NFASC: variants seen among roughly 807,000 people sequenced by gnomAD.
NFASC encodes neurofascin.
NFASC carries 43 observed loss-of-function variants against 147.5 expected under a neutral mutation model. The ratio of observed to expected loss-of-function variants is 0.29; its 90% confidence interval spans 0.23 to 0.38. NFASC has a LOEUF of 0.38. Ranked by LOEUF, NFASC falls within the 10% of genes least tolerant of loss-of-function variation. The probability of loss-of-function intolerance (pLI) is 1.00; values close to 1 mark genes in which losing one functional copy is unlikely to be tolerated. For synonymous variants in NFASC, 622 were observed against 665.5 expected, an observed-to-expected ratio of 0.93 and a Z score of 1.01; for missense variants, 1,320 against 1,689.0, an observed-to-expected ratio of 0.78 and a Z score of 3.83.
chr1:205,015,408 T>C lies in NFASC; in HGVS notation c.3492-900T>C, dbSNP rs1350072789. Among the ~76,000 whole-genome samples, 3 of 152,166 alleles carry C rather than the reference T, an allele frequency of 2.0e-5. No individual in the cohort carries two copies. Among genetic ancestry groups the C allele is most frequent in the Non-Finnish European group, 4.4e-5 (3 of 68,028 alleles). On this transcript the variant is annotated intron_variant, in intron 29 of 29. Transcript: ENST00000339876. This position sits in a 1 kb window ranked among gnomAD's most constrained non-coding sequence, Gnocchi z 4.0. Reference sequence around the variant, plus strand: ...CCACCTGGTCCCCACTCTGAGCCTTTCCAGCCAAGGGAAGGGACATGGTGC... The same window carrying C: ...CCACCTGGTCCCCACTCTGAGCCTTCCCAGCCAAGGGAAGGGACATGGTGC...
In NFASC at chr1:204,876,860, G is replaced by A. The variant is rs559839385; in HGVS notation, c.-199-43772G>A. Among the ~76,000 whole-genome samples, 8 of 151,422 alleles carry A rather than the reference G, an allele frequency of 5.3e-5. 1 individual carries two copies. The South Asian group carries it at 1.7e-3, about 32-fold the overall frequency. On this transcript the variant is annotated intron_variant, in intron 1 of 29. Transcript: ENST00000339876. ...TCGTGGGACTCATAAATGTGGAGAG[G>A]AGAGCTTTGTTTTTTATAAAGATTT...
chr1:205,005,305 C>T (rs186930954), intron 27 of NFASC, among the ~76,000 whole-genome samples: 75 of 152,326 alleles, frequency 4.9e-4, no homozygotes, highest in Non-Finnish European at 9.3e-4. Flanking sequence ...GGCCTTTCTT[C>T]CCTGGCCAAA....
At chr1:204,962,403 C>T (rs1317902600) in intron 8 of NFASC, among the ~76,000 whole-genome samples, 1 of 152,158 alleles carries the variant, frequency 6.6e-6, no homozygotes, top group Non-Finnish European at 1.5e-5. Context: ...GTTGTTCAAA[C>T]CAGGGTAGGA....
At position 204,916,853 on chromosome 1, in the gene NFASC, G is replaced by A. The variant is rs144279564; in HGVS notation, c.-199-3779G>A. On this transcript the variant is annotated intron_variant, in intron 1 of 29. Coordinates refer to ENST00000339876, the MANE Select transcript of NFASC (RefSeq NM_001005388.3). ...CTTCCAGGGTGCTGGGATTACAGGC[G>A]TGAGTCACTGTGTCCAGCATCACAT... 4.2e-3 allele frequency among the ~76,000 whole-genome samples: 634 copies of A among 152,210 alleles called. 19 individuals carry two copies. The highest frequency in any genetic ancestry group is 0.031 in the Admixed American group (473 of 15,280).
intron 27 of NFASC, chr1:205,008,393 G>A (rs1558460641): frequency 6.5e-6 from 1 of 152,792 alleles, no homozygotes; most frequent in Admixed American, 6.5e-5. Context: ...CAGCTCCATG[G>A]TTCTTGGGGC....
intron 1 of NFASC, among the ~76,000 whole-genome samples, chr1:204,906,757 ACTGCAAGCTCCGCCTCCCGG>A (rs1314291423): frequency 8.1e-4 from 46 of 57,050 alleles, no homozygotes; most frequent in Non-Finnish European, 1.6e-3. Flanking sequence ...ATCTCGGCTC[ACTGCAAGCTCCGCCTCCCGG>A]GCTCATGCCA....
rs1355429864 is a variant in NFASC at position 204,914,759 on chromosome 1, A to G, written c.-199-5873A>G. ...GCTGGTGGTAGTATAAATTGTCACT[A>G]CATTCATGGAGAGCAACTTGGCTGC... On this transcript the variant is annotated intron_variant, in intron 1 of 29. Coordinates refer to ENST00000339876, the MANE Select transcript of NFASC (RefSeq NM_001005388.3). 2.6e-5 allele frequency among the ~76,000 whole-genome samples: 4 copies of G among 152,228 alleles called. No homozygotes were observed. In the South Asian group the frequency reaches 6.2e-4, roughly 24 times the overall value.
At chr1:204,985,918 C>G (rs1380602018) in intron 21 of NFASC, 1 of 1,612,424 alleles carries the variant, frequency 6.2e-7, no homozygotes, top group African/African-American at 1.3e-5. Flanking sequence ...AGGCCTACTA[C>G]TGGAGGGAGA....
intron 8 of NFASC, among the ~76,000 whole-genome samples, chr1:204,958,882 A>G (rs2094538817): frequency 6.6e-6 from 1 of 152,188 alleles, no homozygotes; most frequent in African/African-American, 2.4e-5. Context: ...AGGTGAGATC[A>G]CTTCTCATTC....
Position 204,891,774 on chromosome 1 carries a change from G to C in NFASC, c.-199-28858G>C, listed in dbSNP as rs558455564. Reference sequence around the variant, plus strand: ...GAAACATTATTGTTTTCCTATGGGGGACTCCTTGCAGGCTTGATGAAATGC... The same window carrying C: ...GAAACATTATTGTTTTCCTATGGGGCACTCCTTGCAGGCTTGATGAAATGC... On this transcript the variant is annotated intron_variant, in intron 1 of 29. Transcript: ENST00000339876. Among the ~76,000 whole-genome samples, 3 of 152,276 alleles carry C rather than the reference G, an allele frequency of 2.0e-5. No homozygotes were observed. In the East Asian group the frequency reaches 5.8e-4, roughly 29 times the overall value.
intron 2 of NFASC, among the ~76,000 whole-genome samples, chr1:204,925,064 AG>A (rs1336559457): frequency 6.6e-6 from 1 of 152,144 alleles, no homozygotes; most frequent in African/African-American, 2.4e-5. Flanking sequence ...TAATAGAGAC[AG>A]GGTTTCACTG....
Position 205,012,799 on chromosome 1 carries a change from C to G in NFASC, c.3424C>G (p.Arg1142Gly). 6.2e-7 allele frequency: 1 copy of G among 1,611,648 alleles called. No homozygotes were observed. Among genetic ancestry groups the G allele is most frequent in the African/African-American group, 1.3e-5 (1 of 74,976 alleles). ...KRSRGGKYPVREKKDVPLGPE... is the reference protein window; with the variant it reads ...KRSRGGKYPVGEKKDVPLGPE... Reference sequence around the variant, plus strand: ...CTTTGCTTCTCCTTTTGACCAAGTACGAGAAAAGAAGGATGTTCCCCTTGG... The same window carrying G: ...CTTTGCTTCTCCTTTTGACCAAGTAGGAGAAAAGAAGGATGTTCCCCTTGG... Residue 1142 changes from arginine (R) to glycine (G), a missense_variant and splice_region_variant, in exon 29 of 30, where the codon CGA becomes GGA. Around this residue, in one of 3 missense-constraint regions of NFASC, gnomAD observed 167 missense variants for 233.8 expected, o/e 0.71. Transcript: ENST00000339876.
intron 1 of NFASC, among the ~76,000 whole-genome samples, chr1:204,900,790 G>C (rs1476304306): frequency 1.3e-5 from 2 of 152,130 alleles, no homozygotes; most frequent in Non-Finnish European, 2.9e-5. Context: ...AGGCAAGAAT[G>C]GTAGCTTAGA....
At chr1:204,837,970 G>T (rs2102443955) in intron 1 of NFASC, among the ~76,000 whole-genome samples, 1 of 152,290 alleles carries the variant, frequency 6.6e-6, no homozygotes, top group South Asian at 2.1e-4. Flanking sequence ...CCAGCACACT[G>T]CTTCTTTCAT....
chr1:204,944,271 A>G lies in NFASC; in HGVS notation c.-45A>G. ...CCAGTTAAAGCGGCTCGAGGTGACA[A>G]GACCCCGAGTGCTGGGGAGCAGGGA... is the stretch of plus-strand genomic sequence containing the variant. On this transcript the variant is annotated 5_prime_UTR_variant, in exon 3 of 30. Coordinates refer to ENST00000339876, the MANE Select transcript of NFASC (RefSeq NM_001005388.3). 6.2e-7 allele frequency: 1 copy of G among 1,603,694 alleles called. No homozygotes were observed. The highest frequency in any genetic ancestry group is 8.5e-7 in the Non-Finnish European group (1 of 1,175,772).
intron 1 of NFASC, among the ~76,000 whole-genome samples, chr1:204,829,250 TCTCTCC>T (rs1391265245): frequency 6.7e-6 from 1 of 150,088 alleles, no homozygotes; most frequent in Non-Finnish European, 1.5e-5. Flanking sequence ...TGGTGTCCTG[TCTCTCC>T]ATTTGCTCCC....
intron 2 of NFASC, among the ~76,000 whole-genome samples, chr1:204,927,771 C>T (rs2091874594): frequency 6.6e-6 from 1 of 152,156 alleles, no homozygotes; most frequent in Admixed American, 6.5e-5. Flanking sequence ...TGCTGCCTGA[C>T]ACCTTGATAC....
intron 1 of NFASC, among the ~76,000 whole-genome samples, chr1:204,885,392 G>C (rs188030850): frequency 2.2e-4 from 33 of 151,992 alleles, no homozygotes; most frequent in South Asian, 1.3e-3. Context: ...TGCCCTGTGG[G>C]GGGGGAAGCA....
chr1:204,930,131 GTGT>G (rs1190202647), intron 2 of NFASC, among the ~76,000 whole-genome samples: 2 of 152,192 alleles, frequency 1.3e-5, no homozygotes, highest in South Asian at 2.1e-4. Flanking sequence ...GAGAATGGAG[GTGT>G]TGTTGATTCT....
Sources: gnomAD v4.1 joint callset for allele counts (sites outside exome capture counted in the v4.1 genomes callset) on GRCh38, gnomAD v4.1.1 for gene constraint, gnomAD v4.1.1 regional missense constraint, Gnocchi (gnomAD v3.1) non-coding constraint, MANE v1.5 for transcripts, NCBI Gene and HGNC (gene_info 2026-07-23, HGNC 2026-07-21) for gene names.